The following WWP1 variants were observed in gnomAD, a reference collection of about 807,000 sequenced individuals.
The protein encoded by WWP1 is NEDD4-like E3 ubiquitin-protein ligase WWP1.
In WWP1, 49 loss-of-function variants were observed where a neutral mutation model predicts 130.6. The ratio of observed to expected loss-of-function variants is 0.38; its 90% confidence interval spans 0.30 to 0.48. WWP1 has a LOEUF of 0.48. Among genes scored for constraint, WWP1 ranks in the 20% least tolerant of loss-of-function variants. The pLI is 0.99. For synonymous variants in WWP1, 332 were observed against 367.8 expected (o/e 0.90, Z 1.11); for missense variants, 809 against 1,100.6 (o/e 0.74, Z 3.75).
rs1013623051 is a variant in WWP1 at position 86,402,260 on chromosome 8, A to G, written c.724+57A>G. 4.6e-5 allele frequency: 72 copies of G among 1,565,560 alleles called. No individual in the cohort carries two copies. The African/African-American group carries it at 9.1e-4, about 20-fold the overall frequency. The stretch of plus-strand genomic sequence containing the variant: ...AAGGAAAAGTAAATGAAGTTTATGT[A>G]TCCATCCATGCCTACACTTCCCTTT... On this transcript the variant is annotated intron_variant, in intron 8 of 24. Coordinates refer to ENST00000517970, the MANE Select transcript of WWP1 (RefSeq NM_007013.4).
intron 17 of WWP1, among the ~76,000 whole-genome samples, chr8:86,441,825 A>G (rs990124074): frequency 1.6e-4 from 25 of 152,314 alleles, no homozygotes; most frequent in African/African-American, 5.5e-4. Flanking sequence ...ATCCCCTTGT[A>G]CTTACAGATT....
In WWP1 at chr8:86,438,625, A is replaced by G. The variant is rs868753141; in HGVS notation, c.1790A>G (p.Tyr597Cys). ...CCCTATGACTTGAGGAGGCGCTTATATGTAATATTTAGAGGAGAAGAAGGA... is the reference window on the plus strand; with the variant it reads ...CCCTATGACTTGAGGAGGCGCTTATGTGTAATATTTAGAGGAGAAGAAGGA... ...LKPYDLRRRLYVIFRGEEGLD... is the reference protein window; with the variant it reads ...LKPYDLRRRLCVIFRGEEGLD... The change falls in exon 17 of 25, where the codon TAT (tyrosine) becomes TGT (cysteine). Residue 597 changes from tyrosine (Y) to cysteine (C), a missense_variant. Coordinates refer to ENST00000517970, the MANE Select transcript of WWP1 (RefSeq NM_007013.4). The G allele has an allele frequency of 9.9e-6, 16 of 1,608,650 alleles. 1 individual carries two copies. The Middle Eastern group carries it at 1.2e-3, about 117-fold the overall frequency.
intron 24 of WWP1, among the ~76,000 whole-genome samples, chr8:86,464,520 AT>A (rs34035790): frequency 1.8e-4 from 27 of 150,074 alleles, no homozygotes; most frequent in African/African-American, 5.4e-4. Context: ...TTGGAAATCC[AT>A]TTTTTTTTTC....
intron 1 of WWP1, among the ~76,000 whole-genome samples, chr8:86,365,097 C>A (rs1366641408): frequency 6.6e-6 from 1 of 151,744 alleles, no homozygotes; most frequent in Non-Finnish European, 1.5e-5. Context: ...GAAAACAGAA[C>A]CAAAAGGCTC....
chr8:86,411,858 G>GA lies in WWP1; in HGVS notation c.1048dup (p.Thr350AsnfsTer15). The stretch of plus-strand genomic sequence containing the variant: ...GCAGCAGTCTGGGAATGCCAACACA[G>GA]AAACCTTGCCATCAGGGTATGTTAA... On this transcript the variant is annotated frameshift_variant, in exon 9 of 25. Coordinates refer to ENST00000517970, the MANE Select transcript of WWP1 (RefSeq NM_007013.4). LOFTEE classifies it high-confidence loss of function. 1 of 1,607,404 alleles carries GA rather than the reference G, an allele frequency of 6.2e-7. No homozygotes were observed. Among genetic ancestry groups the GA allele is most frequent in the South Asian group, 1.1e-5 (1 of 90,704 alleles).
intron 8 of WWP1, among the ~76,000 whole-genome samples, chr8:86,408,730 A>C (rs1014966693): frequency 6.6e-6 from 1 of 152,142 alleles, no homozygotes; most frequent in Middle Eastern, 3.2e-3. Context: ...AGCCTGGGCA[A>C]CATAATGAAA....
intron 14 of WWP1, among the ~76,000 whole-genome samples, chr8:86,434,731 C>G (rs1810193102): frequency 1.3e-5 from 2 of 152,124 alleles, no homozygotes; most frequent in African/African-American, 4.8e-5. Flanking sequence ...CTGTCACTGT[C>G]TAGAAGAAAG....
At chr8:86,460,690 C>T (rs1811710682) in intron 22 of WWP1, among the ~76,000 whole-genome samples, 1 of 151,068 alleles carries the variant, frequency 6.6e-6, no homozygotes, top group African/African-American at 2.4e-5. Context: ...GGCCAGCCTC[C>T]GTGTTCTCAT....
chr8:86,396,790 G>T (rs1441194778), intron 5 of WWP1, among the ~76,000 whole-genome samples: 1 of 152,028 alleles, frequency 6.6e-6, no homozygotes, highest in African/African-American at 2.4e-5. Flanking sequence ...AATAGAGACA[G>T]CGTCTTGCTA....
chr8:86,429,281 T>C (rs2130665010), intron 11 of WWP1, among the ~76,000 whole-genome samples: 1 of 152,314 alleles, frequency 6.6e-6, no homozygotes, highest in East Asian at 1.9e-4. Flanking sequence ...TGGCCAGAAT[T>C]GGTCACTCTA....
intron 18 of WWP1, among the ~76,000 whole-genome samples, chr8:86,445,186 G>T (rs1444288128): frequency 6.6e-6 from 1 of 152,058 alleles, no homozygotes; most frequent in Non-Finnish European, 1.5e-5. Context: ...AAAATTCTTT[G>T]TTTTTCTGGT....
intron 9 of WWP1, among the ~76,000 whole-genome samples, chr8:86,419,733 C>T (rs1265951660): frequency 3.4e-5 from 5 of 148,928 alleles, no homozygotes; most frequent in Non-Finnish European, 7.5e-5. Flanking sequence ...TGAAAAGACT[C>T]ACTAAAAATC....
At chr8:86,367,073 G>T (rs1420337901) in intron 1 of WWP1, among the ~76,000 whole-genome samples, 1 of 152,152 alleles carries the variant, frequency 6.6e-6, no homozygotes, top group Non-Finnish European at 1.5e-5. Context: ...TTGCCTAAGT[G>T]CAGGCTTTCT....
intron 1 of WWP1, among the ~76,000 whole-genome samples, chr8:86,359,267 G>C (rs1361668555): frequency 6.6e-6 from 1 of 152,148 alleles, no homozygotes; most frequent in Non-Finnish European, 1.5e-5. Flanking sequence ...TTTGATAATA[G>C]TTGGAGTGTA....
chr8:86,389,692 G>A (rs532094386), intron 5 of WWP1, among the ~76,000 whole-genome samples: 5 of 152,158 alleles, frequency 3.3e-5, no homozygotes, highest in South Asian at 4.2e-4. Context: ...ACGGGGTGGC[G>A]GCCAGGCAGA....
At chr8:86,428,403 T>C (rs777711133) in intron 11 of WWP1, among the ~76,000 whole-genome samples, 1 of 152,180 alleles carries the variant, frequency 6.6e-6, no homozygotes, top group Non-Finnish European at 1.5e-5. Flanking sequence ...ACTCCTCTGA[T>C]AAATGGTGTG....
intron 8 of WWP1, among the ~76,000 whole-genome samples, chr8:86,402,889 A>G (rs1372785397): frequency 1.3e-5 from 2 of 152,214 alleles, no homozygotes; most frequent in African/African-American, 2.4e-5. Context: ...ATCTTTCAGT[A>G]TACAAATTTA....
chr8:86,389,798 C>G (rs924820587), intron 5 of WWP1, among the ~76,000 whole-genome samples: 7 of 149,922 alleles, frequency 4.7e-5, no homozygotes, highest in Admixed American at 4.0e-4. Flanking sequence ...CGCCCCCCAC[C>G]TCCCTCCCAG....
At chr8:86,396,678 C>G (rs905014156) in intron 5 of WWP1, among the ~76,000 whole-genome samples, 5 of 151,256 alleles carry the variant, frequency 3.3e-5, no homozygotes, top group African/African-American at 1.2e-4. Flanking sequence ...GCTGCAGCCT[C>G]GAACTCCTGG....
Sources: gnomAD v4.1 joint callset for allele counts (sites outside exome capture counted in the v4.1 genomes callset) on GRCh38, gnomAD v4.1.1 for gene constraint, MANE v1.5 for transcripts, NCBI Gene and HGNC (gene_info 2026-07-23, HGNC 2026-07-21) for gene names.